Variants in INSC observed in about 807,000 individuals in gnomAD.
INSC encodes protein inscuteable homolog.
A neutral mutation model predicts 58.6 loss-of-function variants in INSC; 67 were observed. The observed-to-expected ratio is 1.14, with a 90% CI of 0.94 to 1.40. The LOEUF (loss-of-function observed/expected upper bound fraction) is 1.40. Ranked by LOEUF, INSC falls within the 40% of genes most tolerant of loss-of-function variation. The pLI is 0.00. For missense variants in INSC, 714 were observed against 692.0 expected, an observed-to-expected ratio of 1.03 and a Z score of -0.36; for synonymous variants, 262 against 276.1, an observed-to-expected ratio of 0.95 and a Z score of 0.51.
At chr11:15,240,003 C>T (rs58227988) in intron 11 of INSC, among the ~76,000 whole-genome samples, 2 of 152,052 alleles carry the variant, frequency 1.3e-5, no homozygotes, top group South Asian at 2.1e-4. Context: ...CTACTACTAT[C>T]GTATAATGAG....
intron 2 of INSC, among the ~76,000 whole-genome samples, chr11:15,162,000 T>C (rs1455334253): frequency 6.6e-6 from 1 of 152,210 alleles, no homozygotes; most frequent in African/African-American, 2.4e-5. Context: ...CAGTTTATAG[T>C]TCACTGCATA....
chr11:15,159,930 A>G (rs1233519217), intron 2 of INSC, among the ~76,000 whole-genome samples: 1 of 152,244 alleles, frequency 6.6e-6, no homozygotes, highest in Non-Finnish European at 1.5e-5. Flanking sequence ...GGACAGCAGC[A>G]TAGGTTATTA....
intron 9 of INSC, among the ~76,000 whole-genome samples, chr11:15,229,993 A>AATATATATTATTATAT (rs1564917488): frequency 3.5e-5 from 1 of 28,456 alleles, no homozygotes; most frequent in African/African-American, 1.5e-4. Context: ...ATATATATAT[A>AATATATATTATTATAT]TATATATATA....
downstream of INSC, among the ~76,000 whole-genome samples, chr11:15,247,431 T>C (rs1417465683): frequency 1.3e-5 from 2 of 152,188 alleles, no homozygotes; most frequent in Admixed American, 6.6e-5. Context: ...GCCTTTGTGC[T>C]GAAGTCATAT....
In INSC at chr11:15,191,872, C is replaced by T. The variant is rs938587874; in HGVS notation, c.693+1058C>T. Among the ~76,000 whole-genome samples, 5 of 152,280 alleles carry T rather than the reference C, an allele frequency of 3.3e-5. No individual in the cohort carries two copies. In the South Asian group the frequency reaches 1.0e-3, roughly 32 times the overall value. Reference sequence around the variant, plus strand: ...GAAAAGCAGGAGGAGAATCTGGGTCCTCTATTGTTTTTTCACCAAAGATAT... The same window carrying T: ...GAAAAGCAGGAGGAGAATCTGGGTCTTCTATTGTTTTTTCACCAAAGATAT... On this transcript the variant is annotated intron_variant, in intron 6 of 12. Transcript: ENST00000379556.
At chr11:15,147,141 T>C (rs1848512210) in intron 1 of INSC, among the ~76,000 whole-genome samples, 1 of 152,246 alleles carries the variant, frequency 6.6e-6, no homozygotes, top group Non-Finnish European at 1.5e-5. Context: ...CCCTGAGAAG[T>C]TGGTGTTTTC....
At chr11:15,189,187 C>T (rs978151499) in intron 5 of INSC, among the ~76,000 whole-genome samples, 3 of 152,104 alleles carry the variant, frequency 2.0e-5, no homozygotes, top group Admixed American at 6.5e-5. Flanking sequence ...AATCATTTTA[C>T]GAACAGGGAA....
Position 15,225,695 on chromosome 11 carries a change from C to T in INSC, c.1037C>T (p.Ser346Phe), listed in dbSNP as rs765198125. ...ASSGEVFLLA[S>F]AALANITFFD... ...TCAGGGGAAGTCTTCCTACTGGCCT[C>T]TGCGGCCCTTGCCAACATCACGTTC... The change falls in exon 9 of 13, where the codon TCT (serine) becomes TTT (phenylalanine). Residue 346 changes from serine (S) to phenylalanine (F), a missense_variant. By Grantham distance (155) the Ser-to-Phe change is radical (BLOSUM62 -2). Transcript: ENST00000379556. 4 of 1,614,106 alleles carry T rather than the reference C, an allele frequency of 2.5e-6. No individual in the cohort carries two copies. Among genetic ancestry groups the T allele is most frequent in the Non-Finnish European group, 2.5e-6 (3 of 1,180,044 alleles).
At chr11:15,155,695 G>A (rs1355864318) in intron 2 of INSC, among the ~76,000 whole-genome samples, 1 of 152,156 alleles carries the variant, frequency 6.6e-6, no homozygotes, top group East Asian at 1.9e-4. Flanking sequence ...CACACAGAAG[G>A]TAGACTAAAG....
At chr11:15,143,059 C>T (rs1175176769) in intron 1 of INSC, among the ~76,000 whole-genome samples, 1 of 152,092 alleles carries the variant, frequency 6.6e-6, no homozygotes, top group African/African-American at 2.4e-5. Flanking sequence ...AAGAACCCAT[C>T]CAGTCAGTGA....
chr11:15,212,830 A>T (rs7110702), intron 7 of INSC, among the ~76,000 whole-genome samples: 3,700 of 152,280 alleles, frequency 0.024, 169 homozygotes, highest in African/African-American at 0.086. Flanking sequence ...ATTTTTGCAT[A>T]TCTTGTCTGA....
chr11:15,180,664 TC>T (rs1401263418), intron 5 of INSC, among the ~76,000 whole-genome samples: 1 of 85,088 alleles, frequency 1.2e-5, no homozygotes, highest in African/African-American at 4.9e-5. Context: ...CTTATTGGCC[TC>T]CCTCTCATGG....
chr11:15,242,179 T>C (rs1852380684), intron 12 of INSC, among the ~76,000 whole-genome samples: 1 of 152,186 alleles, frequency 6.6e-6, no homozygotes, highest in Non-Finnish European at 1.5e-5. Context: ...TGACACTGAA[T>C]AGGCCCTGAG....
At position 15,246,339 on chromosome 11, in the gene INSC, C is replaced by G. The variant is rs1852565038; in HGVS notation, c.*299C>G. ...GTGATTCCACTTCATCTTATTTTTT[C>G]TACTCTCACTATACAATCTTGCCTC... On this transcript the variant is annotated 3_prime_UTR_variant, in exon 13 of 13. Coordinates refer to ENST00000379556, the MANE Select transcript of INSC (RefSeq NM_001042536.3). 4.8e-6 allele frequency: 1 copy of G among 209,372 alleles called. No individual in the cohort carries two copies. The highest frequency in any genetic ancestry group is 9.7e-6 in the Non-Finnish European group (1 of 102,862). The allele number at this position is 209,372 out of a possible 1,614,324, so 13.0% of individuals were successfully genotyped here. A position where few individuals can be genotyped will look rare whatever the true frequency, so the allele number is the denominator to read the frequency against.
the INSC span, among the ~76,000 whole-genome samples, chr11:15,264,822 C>A: frequency 1.3e-5 from 2 of 152,020 alleles, no homozygotes; most frequent in Non-Finnish European, 2.9e-5. Context: ...TGTAATGTAA[C>A]CTATTGATAG....
intron 12 of INSC, among the ~76,000 whole-genome samples, chr11:15,242,997 G>A (rs934523622): frequency 1.3e-5 from 2 of 152,334 alleles, no homozygotes; most frequent in Non-Finnish European, 2.9e-5. Flanking sequence ...GACTCATGGA[G>A]GAGGATTTGT....
intron 3 of INSC, 146 bp downstream of exon 3, chr11:15,176,232 A>C (rs1238823521): frequency 1.6e-5 from 11 of 685,176 alleles, no homozygotes; most frequent in Non-Finnish European, 1.9e-5. Context: ...AAGAGAGTGG[A>C]ATCTTTACTG....
At chr11:15,147,397 G>A (rs1287760818) in intron 1 of INSC, among the ~76,000 whole-genome samples, 1 of 152,178 alleles carries the variant, frequency 6.6e-6, no homozygotes, top group African/African-American at 2.4e-5. Flanking sequence ...TAGCTGACCA[G>A]AGAGCTGAGC....
At chr11:15,215,158 TCAC>T (rs1403994910) in intron 7 of INSC, among the ~76,000 whole-genome samples, 2 of 152,224 alleles carry the variant, frequency 1.3e-5, no homozygotes, top group Admixed American at 6.5e-5. Flanking sequence ...GCCATCCTCA[TCAC>T]CACTTGCATG....
Sources: gnomAD v4.1 joint callset for allele counts (sites outside exome capture counted in the v4.1 genomes callset) on GRCh38, gnomAD v4.1.1 for gene constraint, MANE v1.5 for transcripts, NCBI Gene and HGNC (gene_info 2026-07-23, HGNC 2026-07-21) for gene names.